Variants in SHB observed in about 807,000 individuals in gnomAD.
SHB encodes SH2 domain containing adaptor protein B, also known as SH2 domain-containing adapter protein B.
Under a neutral mutation model 52.3 loss-of-function variants are expected in SHB, and 20 were observed. The observed-to-expected ratio is 0.38, with a 90% CI of 0.27 to 0.56. The LOEUF (loss-of-function observed/expected upper bound fraction) is 0.56, where lower values mean the gene tolerates loss of function less well. SHB is among the 20% of genes least tolerant of loss of function. SHB has a pLI of 0.71. For synonymous variants in SHB, 397 were observed against 316.5 expected, an observed-to-expected ratio of 1.25 and a Z score of -2.70; for missense variants, 825 against 723.3, an observed-to-expected ratio of 1.14 and a Z score of -1.61.
At chr9:37,941,871 C>A (rs773294795) in intron 5 of SHB, among the ~76,000 whole-genome samples, 1 of 152,106 alleles carries the variant, frequency 6.6e-6, no homozygotes, top group Non-Finnish European at 1.5e-5. Context: ...GATGCTTGGA[C>A]GGCAGAAGGA....
chr9:37,978,969 C>T (rs1820688880), intron 2 of SHB, among the ~76,000 whole-genome samples: 1 of 152,144 alleles, frequency 6.6e-6, no homozygotes, highest in Non-Finnish European at 1.5e-5. Flanking sequence ...GAGAAAATGC[C>T]CATTTGGGAG....
intron 3 of SHB, among the ~76,000 whole-genome samples, chr9:37,962,191 C>A (rs1017571214): frequency 6.6e-6 from 1 of 152,212 alleles, no homozygotes; most frequent in Non-Finnish European, 1.5e-5. Context: ...AAGCGGGAGA[C>A]CCTGACCCAT....
intron 1 of SHB, among the ~76,000 whole-genome samples, chr9:38,049,901 G>A (rs1445417972): frequency 6.6e-6 from 1 of 151,640 alleles, no homozygotes; most frequent in Non-Finnish European, 1.5e-5. Flanking sequence ...CCGGATTCAA[G>A]TGATTCTCCT....
intron 1 of SHB, among the ~76,000 whole-genome samples, chr9:38,066,556 T>C (rs75009882): frequency 0.02 from 3,053 of 152,266 alleles, 112 homozygotes; most frequent in African/African-American, 0.07. Context: ...AGTCGTCATC[T>C]AGGTGTGGCA....
chr9:38,043,142 A>G (rs1256280533), intron 1 of SHB, among the ~76,000 whole-genome samples: 3 of 152,156 alleles, frequency 2.0e-5, no homozygotes, highest in Non-Finnish European at 2.9e-5. Flanking sequence ...TAGCCTGCCC[A>G]GATTACTCTC....
chr9:38,008,608 G>T (rs1295787283), intron 2 of SHB, among the ~76,000 whole-genome samples: 21 of 152,368 alleles, frequency 1.4e-4, no homozygotes, highest in Non-Finnish European at 1.5e-5. Flanking sequence ...CTTGCCCTGT[G>T]GCTTGCTGCT....
intron 1 of SHB, among the ~76,000 whole-genome samples, chr9:38,017,135 A>T (rs1821223512): frequency 6.6e-6 from 1 of 152,170 alleles, no homozygotes; most frequent in African/African-American, 2.4e-5. Context: ...GAACCCACCG[A>T]ATCCACGCCC....
intron 1 of SHB, among the ~76,000 whole-genome samples, chr9:38,040,581 A>G (rs1821562590): frequency 6.6e-6 from 1 of 152,148 alleles, no homozygotes; most frequent in Non-Finnish European, 1.5e-5. Context: ...GCAGGCAGAC[A>G]GGCAGGTAGT....
chr9:38,022,926 TG>T (rs1384766991), intron 1 of SHB, among the ~76,000 whole-genome samples: 1 of 152,126 alleles, frequency 6.6e-6, no homozygotes, highest in African/African-American at 2.4e-5. Flanking sequence ...GCTTCTGCTT[TG>T]GGGGGAAGGT....
At chr9:37,921,884 G>A (rs1832184721) in intron 5 of SHB, among the ~76,000 whole-genome samples, 1 of 152,236 alleles carries the variant, frequency 6.6e-6, no homozygotes, top group South Asian at 2.1e-4. Flanking sequence ...CTGTGTGGCT[G>A]AGAAAACAGC....
chr9:37,925,546 C>T (rs552786020), intron 5 of SHB, among the ~76,000 whole-genome samples: 3 of 152,156 alleles, frequency 2.0e-5, no homozygotes, highest in Non-Finnish European at 4.4e-5. Context: ...TGTCCCCTGC[C>T]CAGGCCTAAA....
intron 2 of SHB, among the ~76,000 whole-genome samples, chr9:38,012,511 G>A (rs2118068676): frequency 6.6e-6 from 1 of 152,128 alleles, no homozygotes. Context: ...GTTATCACCG[G>A]CCCCTCATTC....
intron 3 of SHB, among the ~76,000 whole-genome samples, chr9:37,965,316 T>C (rs116201082): frequency 3.3e-5 from 5 of 152,328 alleles, no homozygotes; most frequent in South Asian, 2.1e-4. Context: ...TCTGGATTCA[T>C]AGTCAATCCT....
intron 5 of SHB, among the ~76,000 whole-genome samples, chr9:37,933,309 G>C (rs922089809): frequency 6.6e-6 from 1 of 152,216 alleles, no homozygotes; most frequent in Non-Finnish European, 1.5e-5. Context: ...CTCAGAACTG[G>C]GTGTTGGGGT....
At chr9:37,979,136 C>T (rs1323072722) in intron 2 of SHB, among the ~76,000 whole-genome samples, 1 of 152,214 alleles carries the variant, frequency 6.6e-6, no homozygotes, top group Non-Finnish European at 1.5e-5. Flanking sequence ...ACCGATCTCA[C>T]AAGGGAGTCT....
At chr9:38,039,163 A>C (rs1821534624) in intron 1 of SHB, among the ~76,000 whole-genome samples, 1 of 152,212 alleles carries the variant, frequency 6.6e-6, no homozygotes, top group Admixed American at 6.5e-5. Flanking sequence ...AAGCATCCTT[A>C]AGATAAAGTG....
At chr9:38,066,451 C>T (rs969334630) in intron 1 of SHB, among the ~76,000 whole-genome samples, 18 of 152,200 alleles carry the variant, frequency 1.2e-4, no homozygotes, top group Non-Finnish European at 2.6e-4. Flanking sequence ...GTGTTTCCCT[C>T]ACTGACCAAA....
intron 3 of SHB, among the ~76,000 whole-genome samples, chr9:37,961,714 T>C (rs1271853669): frequency 1.3e-5 from 2 of 152,236 alleles, no homozygotes; most frequent in Non-Finnish European, 2.9e-5. Context: ...CCAGCTATTC[T>C]TCAGAGCTCA....
chr9:38,067,790 G>A lies in SHB; in HGVS notation c.717+139C>T, dbSNP rs1821989730. ...AAGGGCGCGGGAGGAGGCAGAAGCG[G>A]GAAGCAGCACGCCAGCCCCGACCCA... On this transcript the variant is annotated intron_variant, in intron 1 of 5. Coordinates refer to ENST00000377707, the MANE Select transcript of SHB (RefSeq NM_003028.3). 7.4e-6 allele frequency: 7 copies of A among 949,646 alleles called. No individual in the cohort carries two copies. The South Asian group carries it at 1.6e-4, about 21-fold the overall frequency. The allele number at this position is 949,646 out of a possible 1,614,324, so 58.8% of individuals were successfully genotyped here.
Sources: allele counts gnomAD v4.1 joint callset (sites outside exome capture counted in the v4.1 genomes callset), GRCh38; gene constraint gnomAD v4.1.1; transcripts MANE v1.5; gene names NCBI Gene and HGNC (gene_info 2026-07-23, HGNC 2026-07-21).